The following DEPTOR variants were observed in gnomAD, a reference collection of about 807,000 sequenced individuals.
The protein encoded by DEPTOR is DEP domain containing MTOR interacting protein.
Under a neutral mutation model 41.6 loss-of-function variants are expected in DEPTOR, and 41 were observed. That is an observed-to-expected ratio of 0.98 (90% CI 0.77 to 1.28). The LOEUF (loss-of-function observed/expected upper bound fraction) is 1.28. DEPTOR is among the 50% of genes most tolerant of loss of function. The probability of loss-of-function intolerance (pLI) is 0.00; values close to 1 mark genes in which losing one functional copy is unlikely to be tolerated. For missense variants in DEPTOR, 514 were observed against 527.9 expected (o/e 0.97, Z 0.26); for synonymous variants, 195 against 192.3 (o/e 1.01, Z -0.12).
At chr8:119,896,513 G>GTTTTC (rs1181767983) in intron 1 of DEPTOR, among the ~76,000 whole-genome samples, 4 of 150,136 alleles carry the variant, frequency 2.7e-5, no homozygotes, top group African/African-American at 9.9e-5. Flanking sequence ...GTTTTGTTTT[G>GTTTTC]TTTTGAGCCT....
chr8:119,877,957 G>A (rs1329731439), intron 1 of DEPTOR, among the ~76,000 whole-genome samples: 2 of 152,136 alleles, frequency 1.3e-5, no homozygotes, highest in Non-Finnish European at 2.9e-5. Context: ...TTGAGATGGA[G>A]TTTCACTCTT....
chr8:120,035,846 T>G (rs1383235904), intron 8 of DEPTOR, among the ~76,000 whole-genome samples: 1 of 152,198 alleles, frequency 6.6e-6, no homozygotes, highest in African/African-American at 2.4e-5. Flanking sequence ...AACTGAACAC[T>G]TCTTATAACG....
In DEPTOR at chr8:120,049,841, G is replaced by A. The variant is rs1055508577; in HGVS notation, c.*137G>A. On this transcript the variant is annotated 3_prime_UTR_variant, in exon 9 of 9. Transcript: ENST00000286234. Reference sequence around the variant, plus strand: ...TCTTCTCCGCACATACATGTCTAAAGTTGAGTTTTATACACTGAATGTGGA... The same window carrying A: ...TCTTCTCCGCACATACATGTCTAAAATTGAGTTTTATACACTGAATGTGGA... 2.5e-5 allele frequency: 27 copies of A among 1,073,802 alleles called. No homozygotes were observed. In the East Asian group the frequency reaches 7.3e-4, roughly 29 times the overall value. 66.5% of individuals were successfully genotyped at this position (1,073,802 alleles called of 1,614,324 possible). A position where few individuals can be genotyped will look rare whatever the true frequency, so the allele number is the denominator to read the frequency against.
At position 120,049,824 on chromosome 8, in the gene DEPTOR, G is replaced by T; in HGVS notation, c.*120G>T. 7.9e-7 allele frequency: 1 copy of T among 1,270,422 alleles called. No homozygotes were observed. Among genetic ancestry groups the T allele is most frequent in the Non-Finnish European group, 1.1e-6 (1 of 933,852 alleles). 78.7% of individuals were successfully genotyped at this position (1,270,422 alleles called of 1,614,324 possible). ...GGTTTTGGACATACGAGTCTTCTCC[G>T]CACATACATGTCTAAAGTTGAGTTT... On this transcript the variant is annotated 3_prime_UTR_variant, in exon 9 of 9. Coordinates refer to ENST00000286234, the MANE Select transcript of DEPTOR (RefSeq NM_022783.4).
chr8:120,023,226 C>CTTTCT (rs917059993), intron 8 of DEPTOR, among the ~76,000 whole-genome samples: 6 of 151,872 alleles, frequency 4.0e-5, no homozygotes, highest in Admixed American at 6.6e-5. Flanking sequence ...ACTTTAATTA[C>CTTTCT]TTTCTTTTCT....
chr8:119,949,318 A>G (rs1464324591), intron 3 of DEPTOR, among the ~76,000 whole-genome samples: 1 of 152,256 alleles, frequency 6.6e-6, no homozygotes, highest in Non-Finnish European at 1.5e-5. Flanking sequence ...TTTATAAATA[A>G]TATCGTTATG....
intron 8 of DEPTOR, among the ~76,000 whole-genome samples, chr8:120,029,571 T>C (rs2130166349): frequency 6.6e-6 from 1 of 152,150 alleles, no homozygotes. Context: ...AATTTTTGTG[T>C]TTTTAGTAGA....
At chr8:119,982,437 C>T (rs1013373581) in intron 4 of DEPTOR, among the ~76,000 whole-genome samples, 6 of 152,110 alleles carry the variant, frequency 3.9e-5, no homozygotes, top group Non-Finnish European at 8.8e-5. Flanking sequence ...TCTTATGTCT[C>T]TAGACTTGAA....
At chr8:119,967,173 G>A (rs766278940) in intron 4 of DEPTOR, among the ~76,000 whole-genome samples, 1 of 151,950 alleles carries the variant, frequency 6.6e-6, no homozygotes, top group African/African-American at 2.4e-5. Context: ...CCGCCTCCCA[G>A]GTTCAGGTGA....
At chr8:119,956,237 A>G (rs537954967) in intron 3 of DEPTOR, among the ~76,000 whole-genome samples, 8 of 152,382 alleles carry the variant, frequency 5.2e-5, no homozygotes, top group Middle Eastern at 6.8e-3. Context: ...GCGACTACAT[A>G]TTAATCCTAA....
chr8:120,005,649 A>G (rs779206690), intron 6 of DEPTOR, among the ~76,000 whole-genome samples: 5 of 152,068 alleles, frequency 3.3e-5, no homozygotes, highest in African/African-American at 1.2e-4. Context: ...CAAGTTCACA[A>G]TGTCTGCAGA....
chr8:119,909,085 A>G lies in DEPTOR; in HGVS notation c.123-19315A>G, dbSNP rs866373766. On this transcript the variant is annotated intron_variant, in intron 1 of 8. Transcript: ENST00000286234. ...TTGGCTTTGCTTCCTAGCATCTCAC[A>G]CAATAACAAATGCTAGGATGGAAAG... 3.9e-5 allele frequency among the ~76,000 whole-genome samples: 6 copies of G among 152,222 alleles called. No homozygotes were observed. In the South Asian group the frequency reaches 8.3e-4, roughly 21 times the overall value.
At chr8:120,033,124 G>A (rs1485984944) in intron 8 of DEPTOR, among the ~76,000 whole-genome samples, 3 of 96,440 alleles carry the variant, frequency 3.1e-5, no homozygotes, top group East Asian at 3.0e-4. Flanking sequence ...TTTCACTCTT[G>A]TTGCCCAGGC....
intron 1 of DEPTOR, among the ~76,000 whole-genome samples, chr8:119,896,849 A>G (rs1259377852): frequency 6.6e-6 from 1 of 152,122 alleles, no homozygotes; most frequent in Admixed American, 6.6e-5. Flanking sequence ...TTAAACTTAC[A>G]TAGATGATAA....
At chr8:119,962,971 G>A (rs889954714) in intron 3 of DEPTOR, among the ~76,000 whole-genome samples, 5 of 152,134 alleles carry the variant, frequency 3.3e-5, no homozygotes, top group Non-Finnish European at 5.9e-5. Flanking sequence ...GCACAGGACC[G>A]GGTTTGGAAG....
chr8:119,876,441 C>T (rs898396643), intron 1 of DEPTOR, among the ~76,000 whole-genome samples: 3 of 152,072 alleles, frequency 2.0e-5, no homozygotes, highest in African/African-American at 7.2e-5. Flanking sequence ...AGTTCAAGAC[C>T]AGCCTGACCA....
At chr8:119,915,251 C>T (rs896064076) in intron 1 of DEPTOR, among the ~76,000 whole-genome samples, 2 of 152,206 alleles carry the variant, frequency 1.3e-5, no homozygotes, top group African/African-American at 4.8e-5. Flanking sequence ...AGGCATGAGC[C>T]ACCACGCCCA....
intron 4 of DEPTOR, among the ~76,000 whole-genome samples, chr8:119,980,571 GCAATGGTA>G (rs1256744959): frequency 2.0e-5 from 3 of 147,008 alleles, no homozygotes; most frequent in Non-Finnish European, 4.5e-5. Flanking sequence ...AGGCTGGAGT[GCAATGGTA>G]CAATCTCGGC....
intron 1 of DEPTOR, among the ~76,000 whole-genome samples, chr8:119,898,929 A>G (rs543063259): frequency 9.9e-5 from 15 of 152,252 alleles, no homozygotes; most frequent in African/African-American, 3.4e-4. Context: ...ATGTGCCACT[A>G]AGGACTAATG....
Sources: gnomAD v4.1 joint callset for allele counts (sites outside exome capture counted in the v4.1 genomes callset) on GRCh38, gnomAD v4.1.1 for gene constraint, MANE v1.5 for transcripts, NCBI Gene and HGNC (gene_info 2026-07-23, HGNC 2026-07-21) for gene names.